BBX: variants seen among roughly 807,000 people sequenced by gnomAD.
The protein encoded by BBX is BBX high mobility group box domain containing, also known as HMG box transcription factor BBX.
In BBX, 30 loss-of-function variants were observed where a neutral mutation model predicts 100.2. The ratio of observed to expected loss-of-function variants is 0.30; its 90% confidence interval spans 0.22 to 0.41. The LOEUF (loss-of-function observed/expected upper bound fraction) is 0.41. BBX is among the 10% of genes least tolerant of loss of function. The pLI is 1.00. For missense variants in BBX, 1,023 were observed against 1,129.8 expected (o/e 0.91, Z 1.35); for synonymous variants, 376 against 388.1 (o/e 0.97, Z 0.37).
chr3:107,642,945 T>A (rs2057306147), intron 2 of BBX, among the ~76,000 whole-genome samples: 1 of 152,110 alleles, frequency 6.6e-6, no homozygotes, highest in African/African-American at 2.4e-5. Context: ...GATGAAAACA[T>A]CAGAAAAGCA....
chr3:107,626,084 C>T (rs2056150588), intron 2 of BBX, among the ~76,000 whole-genome samples: 1 of 152,082 alleles, frequency 6.6e-6, no homozygotes, highest in Admixed American at 6.6e-5. Flanking sequence ...GTAAAATAGG[C>T]TCCAAATTAT....
chr3:107,810,256 A>C lies in BBX; in HGVS notation c.*4799A>C, dbSNP rs147775614. ...TTCCTCTTCTGGCCAAATTTGATCT[A>C]TGGTGGTATGATTCATACTGTTAAA... On this transcript the variant is annotated 3_prime_UTR_variant, in exon 18 of 18. Transcript: ENST00000325805. The C allele has an allele frequency of 3.3e-5, 5 of 149,820 alleles. No individual in the cohort carries two copies. The South Asian group carries it at 1.1e-3, about 32-fold the overall frequency. The allele number at this position is 149,820 out of a possible 1,614,324, so 9.3% of individuals were successfully genotyped here.
At chr3:107,569,711 G>A (rs1249111151) in intron 2 of BBX, among the ~76,000 whole-genome samples, 1 of 152,330 alleles carries the variant, frequency 6.6e-6, no homozygotes, top group African/African-American at 2.4e-5. Context: ...AAGAGGTTTA[G>A]AAGCCTGGCT....
intron 4 of BBX, chr3:107,716,344 T>C (rs2062102043): frequency 2.8e-6 from 1 of 359,792 alleles, no homozygotes; most frequent in South Asian, 4.5e-5. Flanking sequence ...GAGAAAAAAA[T>C]GTAAGCAATT....
At chr3:107,530,202 G>A (rs1239612264) in intron 2 of BBX, among the ~76,000 whole-genome samples, 4 of 152,058 alleles carry the variant, frequency 2.6e-5, no homozygotes, top group South Asian at 2.1e-4. Context: ...GACCAGCCTG[G>A]CCAACATGGT....
In BBX at chr3:107,772,844, G is replaced by A. The variant is rs762828184; in HGVS notation, c.1123G>A (p.Ala375Thr). Reference sequence around the variant, plus strand: ...TTCTAAGGAATTGAGAAATTTTGAGGCATTGCAAATAGATGACATAATGGC... The same window carrying A: ...TTCTAAGGAATTGAGAAATTTTGAGACATTGCAAATAGATGACATAATGGC... ...RDSKELRNFE[A>T]LQIDDIMAIK... is the part of the protein sequence containing the mutation. Residue 375 changes from alanine to threonine, a missense_variant, in exon 11 of 18, where the codon GCA becomes ACA. Ala to Thr is a moderately conservative substitution (Grantham distance 58). Transcript: ENST00000325805. 11 of 1,613,524 alleles carry A rather than the reference G, an allele frequency of 6.8e-6. No homozygotes were observed. Among genetic ancestry groups the A allele is most frequent in the African/African-American group, 5.3e-5 (4 of 74,880 alleles).
intron 2 of BBX, among the ~76,000 whole-genome samples, chr3:107,572,307 A>T (rs1307442383): frequency 6.6e-6 from 1 of 151,270 alleles, no homozygotes; most frequent in Non-Finnish European, 1.5e-5. Context: ...ACAATCATTT[A>T]TTTTTTTTTA....
At chr3:107,670,160 G>A (rs141796292) in intron 3 of BBX, among the ~76,000 whole-genome samples, 82 of 152,170 alleles carry the variant, frequency 5.4e-4, no homozygotes, top group Non-Finnish European at 2.4e-4. Context: ...GAGAGAAAAT[G>A]TCAGTTAACA....
At position 107,808,162 on chromosome 3, in the gene BBX, G is replaced by T. The variant is rs2108088146; in HGVS notation, c.*2705G>T. 1 of 151,986 alleles carries T rather than the reference G, an allele frequency of 6.6e-6. No homozygotes were observed. The highest frequency in any genetic ancestry group is 1.9e-4 in the East Asian group (1 of 5,182). The allele number at this position is 151,986 out of a possible 1,614,324, so 9.4% of individuals were successfully genotyped here. On this transcript the variant is annotated 3_prime_UTR_variant, in exon 18 of 18. Transcript: ENST00000325805. ...CTTTTTTATTTTGGAAAATCATATTGCTATAGTGTGTACTTTAATCTGCCA... is the reference window on the plus strand; with the variant it reads ...CTTTTTTATTTTGGAAAATCATATTTCTATAGTGTGTACTTTAATCTGCCA...
chr3:107,748,355 C>T (rs1576619726), intron 9 of BBX, among the ~76,000 whole-genome samples: 1 of 152,148 alleles, frequency 6.6e-6, no homozygotes, highest in Non-Finnish European at 1.5e-5. Flanking sequence ...ACAAGAATGT[C>T]AGAGGCTTTC....
intron 2 of BBX, among the ~76,000 whole-genome samples, chr3:107,531,390 T>C (rs2048151162): frequency 6.6e-6 from 1 of 152,170 alleles, no homozygotes; most frequent in African/African-American, 2.4e-5. Flanking sequence ...CCTTAAACTT[T>C]TATTCTCATA....
At chr3:107,635,715 CTT>C (rs780828594) in intron 2 of BBX, among the ~76,000 whole-genome samples, 9 of 141,032 alleles carry the variant, frequency 6.4e-5, no homozygotes, top group Admixed American at 7.1e-5. Flanking sequence ...GTATTTTCAT[CTT>C]TTTTTTTTTT....
chr3:107,680,911 C>A (rs1347070770), intron 3 of BBX, among the ~76,000 whole-genome samples: 1 of 152,200 alleles, frequency 6.6e-6, no homozygotes, highest in Non-Finnish European at 1.5e-5. Flanking sequence ...GCTCTGCTGA[C>A]TGGAAAGCCT....
intron 2 of BBX, among the ~76,000 whole-genome samples, chr3:107,603,630 G>A (rs2054222329): frequency 6.6e-6 from 1 of 151,978 alleles, no homozygotes; most frequent in Non-Finnish European, 1.5e-5. Flanking sequence ...CACCAGCCTC[G>A]GCCTTCCAAG....
chr3:107,597,537 G>A (rs2053748117), intron 2 of BBX, among the ~76,000 whole-genome samples: 1 of 152,108 alleles, frequency 6.6e-6, no homozygotes, highest in South Asian at 2.1e-4. Context: ...TGGGGAAAGA[G>A]TTCAGCATAT....
chr3:107,778,380 G>C lies in BBX; in HGVS notation c.2064G>C (p.Lys688Asn), dbSNP rs2067500086. 6 of 1,613,054 alleles carry C rather than the reference G, an allele frequency of 3.7e-6. No homozygotes were observed. Among genetic ancestry groups the C allele is most frequent in the Non-Finnish European group, 5.1e-6 (6 of 1,179,456 alleles). Residue 688 changes from lysine (K) to asparagine (N), a missense_variant, in exon 13 of 18, where the codon AAG (lysine) becomes AAC (asparagine). Around this residue, in one of 9 missense-constraint regions of BBX, gnomAD observed 215 missense variants for 211.3 expected, o/e 1.02. Transcript: ENST00000325805. ...PKEDCLLGSA[K>N]LDEEFEKKFN... ...TCTCCCCTTTTAATAGCTCCGCAAAGCTGGATGAAGAATTTGAAAAAAAAT... is the reference window on the plus strand; with the variant it reads ...TCTCCCCTTTTAATAGCTCCGCAAACCTGGATGAAGAATTTGAAAAAAAAT...
rs144288339 is a variant in BBX, at chr3:107,593,633, C to A, written c.-83-52203C>A. 2.7e-3 allele frequency among the ~76,000 whole-genome samples: 407 copies of A among 152,186 alleles called. 3 individuals carry two copies. The highest frequency in any genetic ancestry group is 9.3e-3 in the African/African-American group (385 of 41,460). ...GTAATGGGGAAACCAGATCTATAGTCACAGATGGGAGTCATCTGCTCTCTA... is the reference window on the plus strand; with the variant it reads ...GTAATGGGGAAACCAGATCTATAGTAACAGATGGGAGTCATCTGCTCTCTA... On this transcript the variant is annotated intron_variant, in intron 2 of 17. Transcript: ENST00000325805.
At chr3:107,750,290 G>T (rs2064976800) in intron 9 of BBX, among the ~76,000 whole-genome samples, 1 of 152,144 alleles carries the variant, frequency 6.6e-6, no homozygotes, top group South Asian at 2.1e-4. Context: ...TGCAGGATTT[G>T]AGGAGCCTTT....
intron 5 of BBX, among the ~76,000 whole-genome samples, chr3:107,722,070 C>A (rs573856630): frequency 6.6e-6 from 1 of 151,930 alleles, no homozygotes; most frequent in Non-Finnish European, 1.5e-5. Flanking sequence ...CTAAAAATAT[C>A]ATTTGCCCAA....
Sources: gnomAD v4.1 joint callset for allele counts (sites outside exome capture counted in the v4.1 genomes callset) on GRCh38, gnomAD v4.1.1 for gene constraint, gnomAD v4.1.1 regional missense constraint, MANE v1.5 for transcripts, NCBI Gene and HGNC (gene_info 2026-07-23, HGNC 2026-07-21) for gene names.